The following DNAJC1 variants were observed in gnomAD, a reference collection of about 807,000 sequenced individuals.
The protein encoded by DNAJC1 is dnaJ homolog subfamily C member 1.
Under a neutral mutation model 76.6 loss-of-function variants are expected in DNAJC1, and 58 were observed. That is an observed-to-expected ratio of 0.76 (90% CI 0.61 to 0.94). The LOEUF (loss-of-function observed/expected upper bound fraction) is 0.94. Among genes scored for constraint, DNAJC1 ranks in the 40% least tolerant of loss-of-function variants. The probability of loss-of-function intolerance (pLI) is 0.00; values close to 1 mark genes in which losing one functional copy is unlikely to be tolerated. For missense variants in DNAJC1, 689 were observed against 677.3 expected (o/e 1.02, Z -0.19); for synonymous variants, 258 against 267.9 (o/e 0.96, Z 0.36).
At chr10:21,821,240 T>C (rs1264352839) in intron 8 of DNAJC1, among the ~76,000 whole-genome samples, 1 of 152,116 alleles carries the variant, frequency 6.6e-6, no homozygotes, top group Non-Finnish European at 1.5e-5. Flanking sequence ...AGAGATTCTG[T>C]TTCCTCAGGC....
At chr10:21,884,128 A>G (rs940842976) in intron 7 of DNAJC1, among the ~76,000 whole-genome samples, 3 of 152,188 alleles carry the variant, frequency 2.0e-5, no homozygotes, top group African/African-American at 7.2e-5. Flanking sequence ...AAAAAAGATA[A>G]AAGAGTAAAC....
intron 1 of DNAJC1, among the ~76,000 whole-genome samples, chr10:21,937,757 C>T (rs1837332520): frequency 6.6e-6 from 1 of 152,150 alleles, no homozygotes; most frequent in South Asian, 2.1e-4. Flanking sequence ...TGAAATCATA[C>T]TACGTTATCT....
chr10:21,903,085 C>T (rs1292340799), intron 7 of DNAJC1, among the ~76,000 whole-genome samples: 1 of 152,088 alleles, frequency 6.6e-6, no homozygotes, highest in Admixed American at 6.6e-5. Context: ...CGCCACTATG[C>T]CTGGCTAATT....
At chr10:21,814,862 T>C (rs1270037073) in intron 8 of DNAJC1, among the ~76,000 whole-genome samples, 1 of 152,190 alleles carries the variant, frequency 6.6e-6, no homozygotes, top group Non-Finnish European at 1.5e-5. Flanking sequence ...GAAATGTACG[T>C]AAATCTATGC....
At chr10:21,805,200 T>G in intron 9 of DNAJC1, among the ~76,000 whole-genome samples, 1 of 152,104 alleles carries the variant, frequency 6.6e-6, no homozygotes, top group South Asian at 2.1e-4. Context: ...AGGATTTATT[T>G]AAAGTAAATT....
At chr10:21,789,494 C>T (rs879376976) in intron 9 of DNAJC1, among the ~76,000 whole-genome samples, 5 of 152,000 alleles carry the variant, frequency 3.3e-5, no homozygotes, top group Non-Finnish European at 7.4e-5. Context: ...ACAAGAGGAA[C>T]ACGACTCTTC....
intron 6 of DNAJC1, among the ~76,000 whole-genome samples, chr10:21,917,671 C>T (rs1008180312): frequency 6.6e-6 from 1 of 151,832 alleles, no homozygotes; most frequent in African/African-American, 2.4e-5. Flanking sequence ...ATATAACACA[C>T]TAAACAACTT....
chr10:21,907,324 A>G (rs1836763224), intron 6 of DNAJC1, among the ~76,000 whole-genome samples: 2 of 146,884 alleles, frequency 1.4e-5, no homozygotes, highest in Middle Eastern at 3.3e-3. Context: ...TTTTTTTTTC[A>G]TATCTTACCT....
At chr10:21,778,843 T>A (rs183970152) in intron 9 of DNAJC1, among the ~76,000 whole-genome samples, 1 of 152,316 alleles carries the variant, frequency 6.6e-6, no homozygotes, top group East Asian at 1.9e-4. Context: ...TTCCCTTTCC[T>A]AGCCAAGGGA....
intron 7 of DNAJC1, among the ~76,000 whole-genome samples, chr10:21,901,487 A>G (rs1031512835): frequency 1.3e-5 from 2 of 152,204 alleles, no homozygotes; most frequent in Non-Finnish European, 2.9e-5. Flanking sequence ...ATTTAAACCT[A>G]AACCACAAAA....
At chr10:21,854,543 G>A (rs1384131653) in intron 8 of DNAJC1, among the ~76,000 whole-genome samples, 1 of 151,898 alleles carries the variant, frequency 6.6e-6, no homozygotes, top group Non-Finnish European at 1.5e-5. Flanking sequence ...GACAGAAGTG[G>A]TGCATTTAGA....
At chr10:21,781,808 T>G (rs957012084) in intron 9 of DNAJC1, among the ~76,000 whole-genome samples, 16 of 146,342 alleles carry the variant, frequency 1.1e-4, no homozygotes, top group African/African-American at 4.1e-4. Context: ...ACTGGGTACA[T>G]AACGAAATGA....
intron 1 of DNAJC1, among the ~76,000 whole-genome samples, chr10:22,002,489 C>CCCATTCCTA (rs763562331): frequency 6.6e-6 from 1 of 152,044 alleles, no homozygotes; most frequent in Admixed American, 6.5e-5. Context: ...GAAAAAAAAA[C>CCCATTCCTA]CCATTCCTAC....
chr10:21,799,047 C>T (rs1009545825), intron 9 of DNAJC1, among the ~76,000 whole-genome samples: 33 of 152,238 alleles, frequency 2.2e-4, no homozygotes, highest in African/African-American at 6.7e-4. Flanking sequence ...AACAACATGC[C>T]ACAGTCCTCC....
chr10:21,847,259 A>G (rs1348794655), intron 8 of DNAJC1, among the ~76,000 whole-genome samples: 3 of 152,276 alleles, frequency 2.0e-5, no homozygotes, highest in East Asian at 3.9e-4. Context: ...GTTAGGATTC[A>G]GCAATTTTTG....
intron 1 of DNAJC1, among the ~76,000 whole-genome samples, chr10:21,940,302 T>C (rs1837385264): frequency 6.6e-6 from 1 of 152,186 alleles, no homozygotes; most frequent in Non-Finnish European, 1.5e-5. Context: ...ACAAAAGAAG[T>C]AGGGAGAGGC....
intron 8 of DNAJC1, among the ~76,000 whole-genome samples, chr10:21,834,647 TA>T (rs977305927): frequency 1.3e-5 from 2 of 152,118 alleles, no homozygotes; most frequent in Non-Finnish European, 2.9e-5. Flanking sequence ...CCAACGGACT[TA>T]AAAAACGGCA....
intron 1 of DNAJC1, among the ~76,000 whole-genome samples, chr10:21,968,896 G>T (rs1212469948): frequency 6.6e-6 from 1 of 151,786 alleles, no homozygotes; most frequent in African/African-American, 2.4e-5. Flanking sequence ...TTCCCTGTTT[G>T]TGCACAAAAC....
At chr10:21,805,865 AG>A in intron 9 of DNAJC1, 114 bp downstream of exon 9, 1 of 1,361,344 alleles carries the variant, frequency 7.3e-7, no homozygotes, top group South Asian at 1.4e-5. Flanking sequence ...AGGTCCTAAA[AG>A]GATTGTTGTA....
Sources: gnomAD v4.1 joint callset for allele counts (sites outside exome capture counted in the v4.1 genomes callset) on GRCh38, gnomAD v4.1.1 for gene constraint, MANE v1.5 for transcripts, NCBI Gene and HGNC (gene_info 2026-07-23, HGNC 2026-07-21) for gene names.